Variants in DNAJC7 observed in about 807,000 individuals in gnomAD.
The protein encoded by DNAJC7 is dnaJ homolog subfamily C member 7.
In DNAJC7, 18 loss-of-function variants were observed where a neutral mutation model predicts 67.4. That is an observed-to-expected ratio of 0.27 (90% CI 0.18 to 0.40). DNAJC7 has a LOEUF of 0.40. DNAJC7 is among the 10% of genes least tolerant of loss of function. The probability of loss-of-function intolerance (pLI) is 1.00; values close to 1 mark genes in which losing one functional copy is unlikely to be tolerated. For synonymous variants in DNAJC7, 220 were observed against 207.8 expected, an observed-to-expected ratio of 1.06 and a Z score of -0.50; for missense variants, 419 against 613.8, an observed-to-expected ratio of 0.68 and a Z score of 3.35.
chr17:42,002,651 C>T (rs1172789874), intron 1 of DNAJC7, among the ~76,000 whole-genome samples: 1 of 152,166 alleles, frequency 6.6e-6, no homozygotes, highest in African/African-American at 2.4e-5. Flanking sequence ...TGCCTGAGGT[C>T]AGGATGTTAC....
intron 2 of DNAJC7, among the ~76,000 whole-genome samples, chr17:42,000,011 G>A (rs781844841): frequency 2.7e-5 from 4 of 147,646 alleles, no homozygotes; most frequent in Non-Finnish European, 5.9e-5. Flanking sequence ...TAGAGACAGG[G>A]TTTCGTCATG....
intron 1 of DNAJC7, among the ~76,000 whole-genome samples, chr17:42,001,217 T>C (rs556227284): frequency 6.6e-6 from 1 of 152,266 alleles, no homozygotes; most frequent in Non-Finnish European, 1.5e-5. Flanking sequence ...TGCCATACTA[T>C]AAGGAGCACC....
intron 2 of DNAJC7, among the ~76,000 whole-genome samples, chr17:41,999,958 A>G (rs1416493347): frequency 1.3e-5 from 2 of 149,618 alleles, no homozygotes; most frequent in Non-Finnish European, 3.0e-5. Flanking sequence ...AGCTGGGATT[A>G]CAGGTGCCCG....
rs782048723 is a variant in DNAJC7 at position 41,976,440 on chromosome 17, A to G, written c.*293T>C. ...CAGATGCCAGAGCAAAGGGCCAGGA[A>G]GGGTCAAAACATTTTATTCTCTTTT... is the stretch of plus-strand genomic sequence containing the variant. On this transcript the variant is annotated 3_prime_UTR_variant, in exon 14 of 14. Transcript: ENST00000457167. The G allele has an allele frequency of 1.1e-5, 4 of 358,398 alleles. No homozygotes were observed. Among genetic ancestry groups the G allele is most frequent in the Non-Finnish European group, 2.0e-5 (4 of 199,998 alleles). The allele number at this position is 358,398 out of a possible 1,614,324, so 22.2% of individuals were successfully genotyped here.
At chr17:42,005,728 T>C (rs556647708) in intron 1 of DNAJC7, among the ~76,000 whole-genome samples, 12 of 152,210 alleles carry the variant, frequency 7.9e-5, no homozygotes, top group African/African-American at 1.4e-4. Flanking sequence ...CACACCGCAC[T>C]GTGGTTTGAT....
At chr17:42,010,065 C>A (rs973471587) in intron 1 of DNAJC7, among the ~76,000 whole-genome samples, 4 of 152,144 alleles carry the variant, frequency 2.6e-5, no homozygotes, top group African/African-American at 9.7e-5. Context: ...TAGCTTGAAC[C>A]CAGGAAGCGG....
At chr17:42,011,964 A>C (rs2143353806) in intron 1 of DNAJC7, among the ~76,000 whole-genome samples, 1 of 152,362 alleles carries the variant, frequency 6.6e-6, no homozygotes, top group South Asian at 2.1e-4. Flanking sequence ...AATAAAAGGC[A>C]AAATCCTAAT....
At chr17:41,986,209 T>C (rs1486697111) in intron 9 of DNAJC7, 1 of 151,616 alleles carries the variant, frequency 6.6e-6, no homozygotes, top group African/African-American at 2.4e-5. Context: ...CCAATAAAAA[T>C]ACAAAAATTT....
chr17:42,009,103 ACTG>A (rs2052051420), intron 1 of DNAJC7, among the ~76,000 whole-genome samples: 1 of 152,238 alleles, frequency 6.6e-6, no homozygotes, highest in Admixed American at 6.5e-5. Context: ...GCGCTATCCA[ACTG>A]CTACCTTTTA....
At chr17:42,017,229 C>T in intron 1 of DNAJC7, 111 bp downstream of exon 1, 1 of 1,598,048 alleles carries the variant, frequency 6.3e-7, no homozygotes, top group Non-Finnish European at 8.5e-7. Context: ...GGGGTGTTTG[C>T]GGAGGGCGGG....
Position 41,988,790 on chromosome 17 carries a change from G to T in DNAJC7, c.860C>A (p.Pro287His), listed in dbSNP as rs1045343880. ...TTTAGCATTTGTTTTTATATTGTTGGGGTCTATCCCCAGGGCTTCTGTGTA... is the reference window on the plus strand; with the variant it reads ...TTTAGCATTTGTTTTTATATTGTTGTGGTCTATCCCCAGGGCTTCTGTGTA... ...ELYTEALGID[P>H]NNIKTNAKLY... Residue 287 changes from proline to histidine, a missense_variant, in exon 8 of 14, where the codon CCC becomes CAC. Around this residue, in one of 4 missense-constraint regions of DNAJC7, gnomAD observed 161 missense variants for 252.2 expected, o/e 0.64. Transcript: ENST00000457167. The T allele has an allele frequency of 6.2e-7, 1 of 1,612,738 alleles. No homozygotes were observed. The highest frequency in any genetic ancestry group is 8.5e-7 in the Non-Finnish European group (1 of 1,179,468).
At chr17:42,009,648 G>C (rs2143337625) in intron 1 of DNAJC7, among the ~76,000 whole-genome samples, 1 of 152,274 alleles carries the variant, frequency 6.6e-6, no homozygotes, top group South Asian at 2.1e-4. Flanking sequence ...CAACAATGAA[G>C]CTACTTCTGG....
At chr17:42,001,199 G>A (rs1333254068) in intron 1 of DNAJC7, 1 of 152,212 alleles carries the variant, frequency 6.6e-6, no homozygotes, top group African/African-American at 2.4e-5. Flanking sequence ...TGAGGTACAG[G>A]ATGCCAGTGC....
intron 5 of DNAJC7, among the ~76,000 whole-genome samples, chr17:41,994,397 G>A (rs2051598303): frequency 6.6e-6 from 1 of 150,960 alleles, no homozygotes; most frequent in Non-Finnish European, 1.5e-5. Context: ...ACTTAGCCAG[G>A]TGTGATGGCA....
chr17:41,977,032 G>T, intron 13 of DNAJC7: 1 of 639,864 alleles, frequency 1.6e-6, no homozygotes, highest in Non-Finnish European at 2.7e-6. Context: ...AGTTAGAGAT[G>T]CCTCCCTGAC....
At chr17:41,976,845 A>G in intron 13 of DNAJC7, 75 bp from the exon 14 acceptor site, 2 of 1,563,104 alleles carry the variant, frequency 1.3e-6, no homozygotes, top group African/African-American at 1.4e-5. Context: ...ATTATGGAAA[A>G]GTCTTCAAGG....
intron 12 of DNAJC7, 163 bp downstream of exon 12, chr17:41,981,692 G>C (rs1195605755): frequency 1.0e-6 from 1 of 988,500 alleles, no homozygotes; most frequent in African/African-American, 1.6e-5. Context: ...TGCACACTGT[G>C]AACCTGCCAC....
Position 41,997,166 on chromosome 17 carries a change from T to G in DNAJC7, c.240A>C (p.Glu80Asp). The G allele has an allele frequency of 6.2e-7, 1 of 1,613,954 alleles. No homozygotes were observed. The highest frequency in any genetic ancestry group is 1.1e-5 in the South Asian group (1 of 91,082). Reference protein sequence around the residue: ...ATLMMLGRFREALGDAQQSVR... With the variant: ...ATLMMLGRFRDALGDAQQSVR... ...CTGACTGTTGTGCATCTCCAAGAGC[T>G]TCCCGGAACCTTCCAAGCATCATCA... The change falls in exon 3 of 14, where the codon GAA (glutamate) becomes GAC (aspartate). Residue 80 changes from glutamate (E) to aspartate (D), a missense_variant. Around this residue, in one of 4 missense-constraint regions of DNAJC7, gnomAD observed 179 missense variants for 249.7 expected, o/e 0.72. Transcript: ENST00000457167.
intron 1 of DNAJC7, 104 bp from the exon 2 acceptor site, chr17:42,000,674 G>T (rs2051785950): frequency 7.9e-6 from 6 of 761,812 alleles, no homozygotes; most frequent in Non-Finnish European, 1.3e-5. Context: ...ACACTGAGCT[G>T]AAAGTTAGTG....
Sources: gnomAD v4.1 joint callset for allele counts (sites outside exome capture counted in the v4.1 genomes callset) on GRCh38, gnomAD v4.1.1 for gene constraint, gnomAD v4.1.1 regional missense constraint, MANE v1.5 for transcripts, NCBI Gene and HGNC (gene_info 2026-07-23, HGNC 2026-07-21) for gene names.